Variants in ZNF432 observed in about 807,000 individuals in gnomAD.
ZNF432 encodes zinc finger protein 432.
A neutral mutation model predicts 13.9 loss-of-function variants in ZNF432; 10 were observed. The observed-to-expected ratio is 0.72, with a 90% CI of 0.44 to 1.22. ZNF432 has a LOEUF of 1.22. Ranked by LOEUF, ZNF432 falls within the 50% of genes most tolerant of loss-of-function variation. The probability of loss-of-function intolerance (pLI) is 0.00; values close to 1 mark genes in which losing one functional copy is unlikely to be tolerated. For missense variants in ZNF432, 793 were observed against 796.2 expected (o/e 1.00, Z 0.05); for synonymous variants, 247 against 256.2 (o/e 0.96, Z 0.34).
chr19:52,048,696 T>A lies in ZNF432; in HGVS notation c.-194A>T, dbSNP rs1338633464. ...CCACGCCCTGACCCACACACTGACC[T>A]GACTCTCCTTGGAATCGCCGCGACC... On this transcript the variant is annotated splice_region_variant and 5_prime_UTR_variant, in exon 1 of 5. Coordinates refer to ENST00000221315, the MANE Select transcript of ZNF432 (RefSeq NM_014650.4). 1 of 151,060 alleles carries A rather than the reference T, an allele frequency of 6.6e-6. No homozygotes were observed. Among genetic ancestry groups the A allele is most frequent in the East Asian group, 2.0e-4 (1 of 5,054 alleles). The allele number at this position is 151,060 out of a possible 1,614,324, so 9.4% of individuals were successfully genotyped here.
In ZNF432 at chr19:52,040,942, A is replaced by G. The variant is rs943331008; in HGVS notation, c.143-359T>C. 6.0e-5 allele frequency among the ~76,000 whole-genome samples: 9 copies of G among 150,840 alleles called. 1 individual carries two copies. Among genetic ancestry groups the G allele is most frequent in the African/African-American group, 7.3e-5 (3 of 41,354 alleles). On this transcript the variant is annotated intron_variant, in intron 3 of 4. Coordinates refer to ENST00000221315, the MANE Select transcript of ZNF432 (RefSeq NM_014650.4). ...GGCAACATAGACTCCATCTCTACAA[A>G]AAAAAAAAAAAATTAGCCAAGCATG...
intron 4 of ZNF432, among the ~76,000 whole-genome samples, chr19:52,039,608 T>C (rs1006163457): frequency 9.2e-5 from 14 of 151,854 alleles, no homozygotes; most frequent in Non-Finnish European, 1.6e-4. Flanking sequence ...CCGAGGCAGG[T>C]GGGTCACGAG....
chr19:52,046,921 C>A lies in ZNF432; in HGVS notation c.-53G>T. On this transcript the variant is annotated 5_prime_UTR_variant, in exon 2 of 5. It adds an upstream start codon to the 5' untranslated region. Transcript: ENST00000221315. ...ACCTGGGATACTCTGTCTTTGTCTC[C>A]TCTGGATCTGCCTTAAATTTCTATT... 1 of 1,598,702 alleles carries A rather than the reference C, an allele frequency of 6.3e-7. No homozygotes were observed. The highest frequency in any genetic ancestry group is 8.5e-7 in the Non-Finnish European group (1 of 1,171,778).
intron 3 of ZNF432, among the ~76,000 whole-genome samples, chr19:52,041,238 T>C (rs1226370837): frequency 6.6e-6 from 1 of 152,242 alleles, no homozygotes; most frequent in Non-Finnish European, 1.5e-5. Flanking sequence ...GTAGGTTATA[T>C]GCAAATACAA....
In ZNF432 at chr19:52,035,143, A is replaced by G. The variant is rs2087065469; in HGVS notation, c.536T>C (p.Phe179Ser). The G allele has an allele frequency of 6.2e-7, 1 of 1,613,940 alleles. No homozygotes were observed. Among genetic ancestry groups the G allele is most frequent in the Non-Finnish European group, 8.5e-7 (1 of 1,180,030 alleles). The change falls in exon 5 of 5, where the codon TTC becomes TCC. Residue 179 changes from phenylalanine (F) to serine (S), a missense_variant. Physicochemically the swap from Phe to Ser is radical, Grantham distance 155. Coordinates refer to ENST00000221315, the MANE Select transcript of ZNF432 (RefSeq NM_014650.4). ...GCTATTGGCTTTTGTACTTACAGAG[A>G]ATTTAGCTGCAGAATAAAGTTCTTC... ...NYEELYSAAK[F>S]SVSTKANSTK...
chr19:52,041,461 A>C lies in ZNF432; in HGVS notation c.142+19T>G, dbSNP rs755290506. 17 of 1,576,114 alleles carry C rather than the reference A, an allele frequency of 1.1e-5. No individual in the cohort carries two copies. Among genetic ancestry groups the C allele is most frequent in the Non-Finnish European group, 1.3e-5 (15 of 1,161,700 alleles). Reference sequence around the variant, plus strand: ...ACAGACTGGGCACCCTCCAGGTGACACAGAGCAGCTGTCCTCACCCATTGA... The same window carrying C: ...ACAGACTGGGCACCCTCCAGGTGACCCAGAGCAGCTGTCCTCACCCATTGA... On this transcript the variant is annotated intron_variant, in intron 3 of 4. Coordinates refer to ENST00000221315, the MANE Select transcript of ZNF432 (RefSeq NM_014650.4).
chr19:52,035,781 C>T (rs990671389), intron 4 of ZNF432, among the ~76,000 whole-genome samples: 44 of 152,236 alleles, frequency 2.9e-4, no homozygotes, highest in Middle Eastern at 3.4e-3. Flanking sequence ...GATACCCCTA[C>T]GTCGGCCTCT....
At position 52,034,679 on chromosome 19, in the gene ZNF432, T is replaced by A; in HGVS notation, c.1000A>T (p.Ile334Leu). The stretch of plus-strand genomic sequence containing the variant: ...TCTCCTGTATGAGTTCGCTGATGTA[T>A]AATAAGCATGCTCTTCCCAGTGAAG... ...KGFTGKSMLI[I>L]HQRTHTGEKP... The change falls in exon 5 of 5, where the codon ATA (isoleucine) becomes TTA (leucine). Residue 334 changes from isoleucine to leucine, a missense_variant. Transcript: ENST00000221315. The A allele has an allele frequency of 6.2e-7, 1 of 1,613,854 alleles. No homozygotes were observed. Among genetic ancestry groups the A allele is most frequent in the Non-Finnish European group, 8.5e-7 (1 of 1,179,932 alleles).
At position 52,033,723 on chromosome 19, in the gene ZNF432, G is replaced by A. The variant is rs370482357; in HGVS notation, c.1956C>T (p.Pro652=). ...CATGAACATGTCCACTGCATTGTCA[G>A]GGTTTGTTTCCATTATGAGTTCGCT... The part of the protein sequence containing the change: ...VHQRTHNGNK[P] Residue 652 remains proline, a synonymous_variant, in exon 5 of 5, where the codon CCC becomes CCT. Coordinates refer to ENST00000221315, the MANE Select transcript of ZNF432 (RefSeq NM_014650.4). 33 of 1,578,850 alleles carry A rather than the reference G, an allele frequency of 2.1e-5. No individual in the cohort carries two copies. The African/African-American group carries it at 2.3e-4, about 11-fold the overall frequency.
In ZNF432 at chr19:52,034,140, G is replaced by A. The variant is rs748105283; in HGVS notation, c.1539C>T (p.Tyr513=). The A allele has an allele frequency of 2.5e-6, 4 of 1,613,582 alleles. No homozygotes were observed. In the African/African-American group the frequency reaches 4.0e-5, roughly 16 times the overall value. The change falls in exon 5 of 5, where the codon TAC becomes TAT. Residue 513 remains tyrosine, a synonymous_variant. Transcript: ENST00000221315. The stretch of plus-strand genomic sequence containing the variant: ...AACCTTTTCCACATTCATTGCATAT[G>A]TACGGTTTCTCTCCAGTATGAGTTC... ...HQRTHTGEKP[Y]ICNECGKGFA... is the part of the protein sequence containing the mutation.
In ZNF432 at chr19:52,035,149, G is replaced by A; in HGVS notation, c.530C>T (p.Ala177Val). The A allele has an allele frequency of 6.2e-7, 1 of 1,614,012 alleles. No individual in the cohort carries two copies. Among genetic ancestry groups the A allele is most frequent in the Non-Finnish European group, 8.5e-7 (1 of 1,179,998 alleles). Residue 177 changes from alanine to valine, a missense_variant, in exon 5 of 5, where the codon GCT (alanine) becomes GTT (valine). Ala to Val is a moderately conservative substitution (Grantham distance 64). Transcript: ENST00000221315. ...HGNYEELYSA[A>V]KFSVSTKANS... ...GGCTTTTGTACTTACAGAGAATTTAGCTGCAGAATAAAGTTCTTCATAGTT... is the reference window on the plus strand; with the variant it reads ...GGCTTTTGTACTTACAGAGAATTTAACTGCAGAATAAAGTTCTTCATAGTT...
chr19:52,044,390 G>A (rs1305311014), intron 2 of ZNF432, among the ~76,000 whole-genome samples: 2 of 151,246 alleles, frequency 1.3e-5, no homozygotes, highest in African/African-American at 4.9e-5. Flanking sequence ...GAAAAAAAAG[G>A]GACAAATTTT....
chr19:52,039,152 AGAG>A lies in ZNF432; in HGVS notation c.238+1333_238+1335del, dbSNP rs572144343. ...GGGAAGAGATGTAACATCCACAGTG[AGAG>A]GAGGACCAGAGAAGTACTGTACTTG... On this transcript the variant is annotated intron_variant, in intron 4 of 4. Coordinates refer to ENST00000221315, the MANE Select transcript of ZNF432 (RefSeq NM_014650.4). Among the ~76,000 whole-genome samples the A allele has an allele frequency of 5.5e-3, 836 of 152,358 alleles. 6 individuals are homozygous for A. The highest frequency in any genetic ancestry group is 0.01 in the Middle Eastern group (3 of 294).
chr19:52,040,691 G>A, intron 3 of ZNF432, 108 bp from the exon 4 acceptor site: 1 of 864,524 alleles, frequency 1.2e-6, no homozygotes, highest in Admixed American at 2.0e-5. Context: ...TCTGAAAGTA[G>A]AGGCTTCTCT....
At chr19:52,048,128 A>AACACACACACACACAC (rs3138637) in intron 1 of ZNF432, among the ~76,000 whole-genome samples, 3,109 of 103,340 alleles carry the variant, frequency 0.03, 201 homozygotes, top group Non-Finnish European at 0.037. Flanking sequence ...GTTTGAGCTC[A>AACACACACACACACAC]ACACACACAC....
intron 4 of ZNF432, among the ~76,000 whole-genome samples, chr19:52,037,746 T>G (rs1331018690): frequency 6.9e-6 from 1 of 144,046 alleles, no homozygotes; most frequent in Admixed American, 7.4e-5. Flanking sequence ...GCCAAAATCG[T>G]GCCACTGCAC....
rs748670624 is a variant in ZNF432 at position 52,035,425 on chromosome 19, T to C, written c.254A>G (p.Asp85Gly). 6 of 1,545,226 alleles carry C rather than the reference T, an allele frequency of 3.9e-6. No homozygotes were observed. In the African/African-American group the frequency reaches 6.9e-5, roughly 18 times the overall value. ...TTCCAAGTGATCCTGCAGATGATCA[T>C]CAACTTCGTTGTTTTCTAGGAAAGA... The part of the protein sequence containing the change: ...SRICPENNEV[D>G]DHLQDHLENQ... The change falls in exon 5 of 5, where the codon GAT becomes GGT. Residue 85 changes from aspartate (D) to glycine (G), a missense_variant. By Grantham distance (94) the Asp-to-Gly change is moderately conservative. Transcript: ENST00000221315.
chr19:52,034,985 G>T lies in ZNF432; in HGVS notation c.694C>A (p.Pro232Thr). 1 of 1,613,768 alleles carries T rather than the reference G, an allele frequency of 6.2e-7. No individual in the cohort carries two copies. The highest frequency in any genetic ancestry group is 1.3e-5 in the African/African-American group (1 of 74,984). The change falls in exon 5 of 5, where the codon CCT becomes ACT. Residue 232 changes from proline (P) to threonine (T), a missense_variant. Pro to Thr is a conservative substitution (Grantham distance 38, BLOSUM62 -1). Coordinates refer to ENST00000221315, the MANE Select transcript of ZNF432 (RefSeq NM_014650.4). ...TTTGCACACAAAGTACATCCATAAG[G>T]TTTTTCTCCTGTATGAACTCTCTCA... ...DHERVHTGEK[P>T]YGCTLCAKVF...
chr19:52,045,747 C>A (rs1424299405), intron 2 of ZNF432, among the ~76,000 whole-genome samples: 2 of 150,890 alleles, frequency 1.3e-5, no homozygotes, highest in Non-Finnish European at 3.0e-5. Context: ...GTAATCCCAG[C>A]ACTTTGGGAG....
Sources: gnomAD v4.1 joint callset for allele counts (sites outside exome capture counted in the v4.1 genomes callset) on GRCh38, gnomAD v4.1.1 for gene constraint, MANE v1.5 for transcripts, NCBI Gene and HGNC (gene_info 2026-07-23, HGNC 2026-07-21) for gene names.